WDR17: variants seen among roughly 807,000 people sequenced by gnomAD.
WDR17 encodes WD repeat-containing protein 17.
In WDR17, 143 loss-of-function variants were observed where a neutral mutation model predicts 161.7. The observed-to-expected ratio is 0.88, with a 90% CI of 0.77 to 1.02. The LOEUF (loss-of-function observed/expected upper bound fraction) is 1.02, where lower values mean the gene tolerates loss of function less well. WDR17 is among the 50% of genes least tolerant of loss of function. The probability of loss-of-function intolerance (pLI) is 0.00; values close to 1 mark genes in which losing one functional copy is unlikely to be tolerated. For missense variants in WDR17, 1,469 were observed against 1,520.9 expected (o/e 0.97, Z 0.57); for synonymous variants, 517 against 515.6 (o/e 1.00, Z -0.04).
intron 17 of WDR17, among the ~76,000 whole-genome samples, chr4:176,154,510 G>A (rs977859412): frequency 6.6e-6 from 1 of 151,520 alleles, no homozygotes; most frequent in African/African-American, 2.4e-5. Context: ...AGAAATATGG[G>A]TGTCCATAGA....
intron 9 of WDR17, among the ~76,000 whole-genome samples, chr4:176,138,463 A>G (rs529517971): frequency 6.6e-6 from 1 of 151,870 alleles, no homozygotes; most frequent in Admixed American, 6.6e-5. Flanking sequence ...TGCACTCAAA[A>G]AAGGAAACTT....
chr4:176,119,724 T>C (rs1741235206), intron 3 of WDR17, 143 bp from the exon 4 acceptor site: 1 of 766,258 alleles, frequency 1.3e-6, no homozygotes, highest in African/African-American at 1.8e-5. Context: ...TTGGGATTTC[T>C]TTATAAATCC....
intron 1 of WDR17, chr4:176,096,339 G>GT: frequency 2.4e-6 from 1 of 415,006 alleles, no homozygotes; most frequent in South Asian, 7.6e-5. Flanking sequence ...TTATTTACTT[G>GT]TAAAAAATTA....
In WDR17 at chr4:176,162,062, T is replaced by C; in HGVS notation, c.2751-13T>C. On this transcript the variant is annotated splice_polypyrimidine_tract_variant and intron_variant, in intron 20 of 28. Coordinates refer to ENST00000508596, the MANE Select transcript of WDR17 (RefSeq NM_181265.4). ...CTTGTGTTTATATAGAATACACATT[T>C]TTTTCTTTCTAGACTCCTGCACAAA... 8 of 1,601,720 alleles carry C rather than the reference T, an allele frequency of 5.0e-6. No individual in the cohort carries two copies. Among genetic ancestry groups the C allele is most frequent in the Non-Finnish European group, 6.8e-6 (8 of 1,175,308 alleles).
chr4:176,070,021 A>T (rs1733022050), intron 1 of WDR17, among the ~76,000 whole-genome samples: 1 of 152,176 alleles, frequency 6.6e-6, no homozygotes, highest in Non-Finnish European at 1.5e-5. Flanking sequence ...TGATAGAAGG[A>T]TCCTTAAGAC....
At chr4:176,167,666 A>AAAAAAAAAAAAAAAAAAACC (rs1561210753) in intron 22 of WDR17, among the ~76,000 whole-genome samples, 5 of 139,958 alleles carry the variant, frequency 3.6e-5, no homozygotes, top group African/African-American at 1.3e-4. Flanking sequence ...AAAAAAAAAA[A>AAAAAAAAAAAAAAAAAAACC]AAAAAACAAT....
intron 17 of WDR17, among the ~76,000 whole-genome samples, chr4:176,152,294 C>CAAAAAAAAAAAAAAAAAAAAAAAAAA (rs397837505): frequency 3.2e-4 from 23 of 72,136 alleles, no homozygotes; most frequent in Non-Finnish European, 5.2e-4. Flanking sequence ...GACCCTATCT[C>CAAAAAAAAAAAAAAAAAAAAAAAAAA]AAAAAAAAAA....
At chr4:176,071,483 C>T (rs1011198022) in intron 1 of WDR17, among the ~76,000 whole-genome samples, 2 of 152,086 alleles carry the variant, frequency 1.3e-5, no homozygotes, top group African/African-American at 4.8e-5. Flanking sequence ...CCATTATGCC[C>T]AGCTAACTTT....
chr4:176,100,392 G>A (rs150881929), intron 1 of WDR17, among the ~76,000 whole-genome samples: 1 of 152,162 alleles, frequency 6.6e-6, no homozygotes, highest in African/African-American at 2.4e-5. Context: ...TTAGAAAAAT[G>A]TCTACTCATG....
At chr4:176,136,664 G>C (rs1274336346) in intron 8 of WDR17, among the ~76,000 whole-genome samples, 1 of 151,270 alleles carries the variant, frequency 6.6e-6, no homozygotes, top group Non-Finnish European at 1.5e-5. Context: ...AGTAGAGTAG[G>C]ATATAGATAA....
chr4:176,110,364 G>A (rs1739496926), intron 1 of WDR17, among the ~76,000 whole-genome samples: 1 of 152,062 alleles, frequency 6.6e-6, no homozygotes, highest in Non-Finnish European at 1.5e-5. Context: ...CTGACGTCGT[G>A]ATCCGCCCTC....
intron 1 of WDR17, chr4:176,068,171 C>T (rs1732758058): frequency 1.3e-5 from 2 of 152,186 alleles, no homozygotes; most frequent in South Asian, 4.1e-4. Flanking sequence ...CTTTTGACCA[C>T]TGCTGAATTA....
At chr4:176,162,896 A>T (rs936248816) in intron 21 of WDR17, among the ~76,000 whole-genome samples, 4 of 152,182 alleles carry the variant, frequency 2.6e-5, no homozygotes, top group African/African-American at 7.2e-5. Context: ...TTAATTAATT[A>T]CAAAAATAGA....
In WDR17 at chr4:176,151,947, C is replaced by T. The variant is rs778634962; in HGVS notation, c.2440C>T (p.Leu814Phe). 4.3e-6 allele frequency: 7 copies of T among 1,612,222 alleles called. No individual in the cohort carries two copies. The highest frequency in any genetic ancestry group is 3.3e-5 in the South Asian group (3 of 90,472). Residue 814 changes from leucine (L) to phenylalanine (F), a missense_variant, in exon 17 of 29, where the codon CTT becomes TTT. By Grantham distance (22) the Leu-to-Phe change is conservative (BLOSUM62 0). Coordinates refer to ENST00000508596, the MANE Select transcript of WDR17 (RefSeq NM_181265.4). The stretch of plus-strand genomic sequence containing the variant: ...AGGACAAATTCAGAGATACTGTGAA[C>T]TTATGGTTGAACTTGGAGAGGTAAT... ...RLGQIQRYCELMVELGEWDKA... is the reference protein window; with the variant it reads ...RLGQIQRYCEFMVELGEWDKA...
Position 176,163,178 on chromosome 4 carries a change from G to A in WDR17, c.2875G>A (p.Gly959Arg), listed in dbSNP as rs181105591. The A allele has an allele frequency of 1.6e-4, 262 of 1,614,002 alleles. 1 individual carries two copies. Among genetic ancestry groups the A allele is most frequent in the East Asian group, 1.8e-4 (8 of 44,872 alleles). ...IELAMAYLIR[G>R]NELELAVCVG... Reference sequence around the variant, plus strand: ...GCTTGCTATGGCATACCTGATTCGCGGAAATGAACTGGAGTTGGCAGTCTG... The same window carrying A: ...GCTTGCTATGGCATACCTGATTCGCAGAAATGAACTGGAGTTGGCAGTCTG... Residue 959 changes from glycine to arginine, a missense_variant, in exon 22 of 29, where the codon GGA becomes AGA. Coordinates refer to ENST00000508596, the MANE Select transcript of WDR17 (RefSeq NM_181265.4).
In WDR17 at chr4:176,162,179, G is replaced by A. The variant is rs375700950; in HGVS notation, c.2850+5G>A. ...CTTGCCATAGATAATATTGAGGTAC[G>A]ACATTTAAAACTGGTTTATGTGAAT... On this transcript the variant is annotated splice_donor_5th_base_variant and intron_variant, in intron 21 of 28. Transcript: ENST00000508596. 2.9e-5 allele frequency: 47 copies of A among 1,610,034 alleles called. No homozygotes were observed. The highest frequency in any genetic ancestry group is 2.5e-4 in the African/African-American group (19 of 74,754).
At chr4:176,132,375 A>G (rs1561151607) in intron 7 of WDR17, among the ~76,000 whole-genome samples, 1 of 152,092 alleles carries the variant, frequency 6.6e-6, no homozygotes, top group Non-Finnish European at 1.5e-5. Flanking sequence ...ATATTTGTCA[A>G]AAACAATCCT....
At chr4:176,157,561 T>C (rs537763305) in intron 18 of WDR17, among the ~76,000 whole-genome samples, 11 of 149,710 alleles carry the variant, frequency 7.3e-5, no homozygotes, top group African/African-American at 2.2e-4. Flanking sequence ...GTGAATGTTA[T>C]TGCTCTCACC....
Position 176,065,877 on chromosome 4 carries a change from A to C in WDR17, c.-209A>C, listed in dbSNP as rs971193612. 6.6e-6 allele frequency: 1 copy of C among 152,092 alleles called. No individual in the cohort carries two copies. The highest frequency in any genetic ancestry group is 1.5e-5 in the Non-Finnish European group (1 of 68,020). The allele number at this position is 152,092 out of a possible 1,614,324, so 9.4% of individuals were successfully genotyped here. A position where few individuals can be genotyped will look rare whatever the true frequency, so the allele number is the denominator to read the frequency against. Reference sequence around the variant, plus strand: ...GGAGATCGGGCTCGCGGCGCCTTCCATCGTGGCTCCGCGCTGGGGCTTGCG... The same window carrying C: ...GGAGATCGGGCTCGCGGCGCCTTCCCTCGTGGCTCCGCGCTGGGGCTTGCG... On this transcript the variant is annotated 5_prime_UTR_variant, in exon 1 of 29. Coordinates refer to ENST00000508596, the MANE Select transcript of WDR17 (RefSeq NM_181265.4).
Sources: allele counts gnomAD v4.1 joint callset (sites outside exome capture counted in the v4.1 genomes callset), GRCh38; gene constraint gnomAD v4.1.1; transcripts MANE v1.5; gene names NCBI Gene and HGNC (gene_info 2026-07-23, HGNC 2026-07-21).